The following NTM variants were observed in gnomAD, a reference collection of about 807,000 sequenced individuals.
The protein encoded by NTM is neurotrimin, also known as IgLON family member 2.
In NTM, 13 loss-of-function variants were observed where a neutral mutation model predicts 42.1. The observed-to-expected ratio is 0.31, with a 90% confidence interval of 0.20 to 0.49. NTM has a LOEUF of 0.49. NTM is among the 20% of genes least tolerant of loss of function. NTM has a pLI of 0.99. For missense variants in NTM, 373 were observed against 452.8 expected, an observed-to-expected ratio of 0.82 and a Z score of 1.60; for synonymous variants, 187 against 179.2, an observed-to-expected ratio of 1.04 and a Z score of -0.35.
intron 2 of NTM, among the ~76,000 whole-genome samples, chr11:131,947,377 G>T (rs1332385113): frequency 6.6e-6 from 1 of 152,078 alleles, no homozygotes; most frequent in African/African-American, 2.4e-5. Flanking sequence ...AACCCTCCCT[G>T]CCTGTGGAGT....
chr11:132,212,207 G>C (rs1431963752), intron 4 of NTM, 60 bp downstream of exon 4: 4 of 1,473,722 alleles, frequency 2.7e-6, no homozygotes, highest in Non-Finnish European at 2.8e-6. Flanking sequence ...TTGGGCCTTT[G>C]GTAGGAGGTT....
intron 1 of NTM, among the ~76,000 whole-genome samples, chr11:131,869,049 A>C (rs2047505627): frequency 6.6e-6 from 1 of 152,194 alleles, no homozygotes. Flanking sequence ...TCCTCAGCTC[A>C]GTCTTTCCCA....
At chr11:131,929,461 T>A (rs12788861) in intron 2 of NTM, among the ~76,000 whole-genome samples, 3,823 of 151,718 alleles carry the variant, frequency 0.025, 158 homozygotes, top group African/African-American at 0.085. Flanking sequence ...TTTTTTTTTT[T>A]AATTTTTTAT....
intron 1 of NTM, among the ~76,000 whole-genome samples, chr11:131,887,440 A>G (rs571770996): frequency 2.6e-5 from 4 of 152,324 alleles, no homozygotes; most frequent in Non-Finnish European, 5.9e-5. Context: ...TTCTCCTGCC[A>G]TTCTTCAGGC....
chr11:132,318,440 A>AG (rs777096569), intron 7 of NTM, among the ~76,000 whole-genome samples: 45 of 152,176 alleles, frequency 3.0e-4, no homozygotes, highest in African/African-American at 8.9e-4. Flanking sequence ...GGAACATCAT[A>AG]GGGGGTCCTT....
chr11:132,054,502 T>C (rs188397010), intron 2 of NTM, among the ~76,000 whole-genome samples: 2 of 152,326 alleles, frequency 1.3e-5, no homozygotes, highest in African/African-American at 2.4e-5. Flanking sequence ...TAATGTGAAA[T>C]CCTTCTTCTG....
At chr11:132,161,331 AG>A (rs1215682119) in intron 3 of NTM, among the ~76,000 whole-genome samples, 1 of 133,304 alleles carries the variant, frequency 7.5e-6, no homozygotes, top group Non-Finnish European at 1.6e-5. Context: ...TTTTCCACCT[AG>A]CTCTTGGAGG....
chr11:131,678,455 G>T (rs368327143), intron 1 of NTM, among the ~76,000 whole-genome samples: 1 of 152,256 alleles, frequency 6.6e-6, no homozygotes, highest in Non-Finnish European at 1.5e-5. Flanking sequence ...CAAGGGCAAG[G>T]TCTTCTGAGT....
intron 1 of NTM, among the ~76,000 whole-genome samples, chr11:131,525,054 G>T (rs191206845): frequency 1.5e-3 from 223 of 151,930 alleles, no homozygotes; most frequent in Admixed American, 4.9e-3. Context: ...GGAGTAAGGG[G>T]GCAGTAATTA....
chr11:131,836,431 T>C (rs2043503384), intron 1 of NTM, among the ~76,000 whole-genome samples: 3 of 152,214 alleles, frequency 2.0e-5, no homozygotes, highest in Admixed American at 1.3e-4. Flanking sequence ...GTATATGTAA[T>C]TGTGTAGCAC....
chr11:131,594,545 C>T (rs2059648861), intron 1 of NTM, among the ~76,000 whole-genome samples: 1 of 147,824 alleles, frequency 6.8e-6, no homozygotes, highest in Non-Finnish European at 1.5e-5. Flanking sequence ...ACAGTGCAGA[C>T]CACCGCGCCC....
At chr11:131,652,511 G>T (rs899160245) in intron 1 of NTM, among the ~76,000 whole-genome samples, 1 of 152,312 alleles carries the variant, frequency 6.6e-6, no homozygotes, top group African/African-American at 2.4e-5. Flanking sequence ...CTCCTGACAT[G>T]CTCAACTCAC....
chr11:131,718,730 A>C (rs190590255), intron 1 of NTM, among the ~76,000 whole-genome samples: 2 of 152,114 alleles, frequency 1.3e-5, no homozygotes, highest in Non-Finnish European at 2.9e-5. Flanking sequence ...TTCTATTCTG[A>C]GCACTCTAAT....
At chr11:131,417,457 T>C (rs1947070458) in intron 1 of NTM, among the ~76,000 whole-genome samples, 1 of 152,182 alleles carries the variant, frequency 6.6e-6, no homozygotes, top group Non-Finnish European at 1.5e-5. Flanking sequence ...TTAATTGGTC[T>C]AGAGCAAACT....
intron 2 of NTM, among the ~76,000 whole-genome samples, chr11:132,004,799 C>G (rs2070390897): frequency 6.6e-6 from 1 of 151,404 alleles, no homozygotes; most frequent in Non-Finnish European, 1.5e-5. Context: ...GAGCTGTGGA[C>G]AGTAAGATTA....
intron 1 of NTM, among the ~76,000 whole-genome samples, chr11:131,740,444 C>T (rs1201118419): frequency 1.3e-5 from 2 of 152,124 alleles, no homozygotes; most frequent in Non-Finnish European, 1.5e-5. Flanking sequence ...TTAGTTTTAG[C>T]TTATTATCCA....
intron 1 of NTM, among the ~76,000 whole-genome samples, chr11:131,733,508 TTC>T (rs2079987967): frequency 6.7e-6 from 1 of 149,990 alleles, no homozygotes; most frequent in East Asian, 1.9e-4. Flanking sequence ...CCTTCCTTCC[TTC>T]CTTCCTTCCT....
intron 1 of NTM, among the ~76,000 whole-genome samples, chr11:131,528,868 G>T (rs1168178280): frequency 6.6e-6 from 1 of 151,718 alleles, no homozygotes; most frequent in African/African-American, 2.4e-5. Context: ...TTAGACATTT[G>T]ATTTGATTTG....
intron 2 of NTM, among the ~76,000 whole-genome samples, chr11:131,927,849 T>C (rs1020918963): frequency 2.0e-5 from 3 of 152,196 alleles, no homozygotes; most frequent in Non-Finnish European, 2.9e-5. Flanking sequence ...GAATTTTCTT[T>C]ACAGCATGGC....
Sources: gnomAD v4.1 joint callset for allele counts (sites outside exome capture counted in the v4.1 genomes callset) on GRCh38, gnomAD v4.1.1 for gene constraint, MANE v1.5 for transcripts, NCBI Gene and HGNC (gene_info 2026-07-23, HGNC 2026-07-21) for gene names.